CIROZ: variants seen among roughly 807,000 people sequenced by gnomAD.
CIROZ encodes ciliated left-right organizer ZP-N domains-containing protein.
the CIROZ span, chr1:10,976,264 AGAG>A: frequency 1.8e-5 from 28 of 1,529,290 alleles, no homozygotes; most frequent in Non-Finnish European, 2.5e-5. Context: ...GCCCTGCGGG[AGAG>A]GAGGGAAGGG....
At chr1:10,975,162 C>T in the CIROZ span, among the ~76,000 whole-genome samples, 1 of 152,102 alleles carries the variant, frequency 6.6e-6, no homozygotes, top group South Asian at 2.1e-4. Flanking sequence ...AATCCCAGCA[C>T]TCTGGTAGGC....
At chr1:10,957,441 C>T in the CIROZ span, 6 of 889,196 alleles carry the variant, frequency 6.7e-6, no homozygotes, top group Non-Finnish European at 9.9e-6. Context: ...CCCTCATCTG[C>T]AGAGCGGAGC....
At chr1:10,969,769 AGGAGTGCCG>A in the CIROZ span, among the ~76,000 whole-genome samples, 1,462 of 152,194 alleles carry the variant, frequency 9.6e-3, 23 homozygotes, top group African/African-American at 0.033. Context: ...CTTACTAGTG[AGGAGTGCCG>A]GGATTGTGAC....
At chr1:10,981,191 G>A in the CIROZ span, among the ~76,000 whole-genome samples, 15 of 152,304 alleles carry the variant, frequency 9.8e-5, no homozygotes, top group East Asian at 3.9e-4. Context: ...AGTCATGCCC[G>A]TAATCCCAAT....
chr1:10,948,347 C>T, the CIROZ span: 1 of 1,613,572 alleles, frequency 6.2e-7, no homozygotes, highest in South Asian at 1.1e-5. Flanking sequence ...CCAGTGTGGC[C>T]CGCCAGGGCC....
the CIROZ span, among the ~76,000 whole-genome samples, chr1:10,965,813 C>G: frequency 6.7e-6 from 1 of 150,156 alleles, no homozygotes; most frequent in Non-Finnish European, 1.5e-5. Flanking sequence ...CCAGAGCGAG[C>G]CTCCGTCAAA....
chr1:10,957,834 G>A, the CIROZ span: 1 of 1,472,666 alleles, frequency 6.8e-7, no homozygotes. Context: ...GACACTTGAA[G>A]GGTCACCTAG....
the CIROZ span, chr1:10,969,970 C>T: frequency 1.3e-6 from 2 of 1,532,216 alleles, no homozygotes; most frequent in Non-Finnish European, 1.7e-6. Flanking sequence ...CACCTCTTAC[C>T]TGGCAAGTGC....
the CIROZ span, among the ~76,000 whole-genome samples, chr1:10,961,411 A>G: frequency 6.6e-6 from 1 of 152,064 alleles, no homozygotes; most frequent in African/African-American, 2.4e-5. Context: ...CCTTCAGGTT[A>G]AGAAGCAAAG....
At chr1:10,964,139 T>C in the CIROZ span, 1 of 1,613,700 alleles carries the variant, frequency 6.2e-7, no homozygotes, top group Non-Finnish European at 8.5e-7. Flanking sequence ...TGGATGAACA[T>C]GGGCCCACAG....
At chr1:10,974,837 T>C in the CIROZ span, among the ~76,000 whole-genome samples, 2 of 152,200 alleles carry the variant, frequency 1.3e-5, no homozygotes, top group African/African-American at 4.8e-5. The surrounding 1 kb of genome is among the most constrained non-coding windows in gnomAD (Gnocchi z 4.4). Flanking sequence ...CTGAGCTCTA[T>C]GGGTCCTTCT....
chr1:10,975,985 C>A, the CIROZ span, among the ~76,000 whole-genome samples: 1 of 152,138 alleles, frequency 6.6e-6, no homozygotes, highest in Non-Finnish European at 1.5e-5. Context: ...TGCAGGAATG[C>A]CGCTTCCTTG....
chr1:10,979,109 A>G, the CIROZ span, among the ~76,000 whole-genome samples: 1 of 152,100 alleles, frequency 6.6e-6, no homozygotes, highest in Non-Finnish European at 1.5e-5. Flanking sequence ...CTCGTGCCTC[A>G]GCCTCCTGAG....
the CIROZ span, among the ~76,000 whole-genome samples, chr1:10,975,719 T>G: frequency 6.6e-6 from 1 of 152,122 alleles, no homozygotes; most frequent in Admixed American, 6.5e-5. Flanking sequence ...GGTGGCTAAG[T>G]GCAGGGGCTC....
the CIROZ span, chr1:10,966,527 T>C: frequency 4.1e-6 from 6 of 1,480,834 alleles, no homozygotes; most frequent in African/African-American, 4.2e-5. Flanking sequence ...CCTGTGGAGG[T>C]GGCTTCTCTG....
the CIROZ span, chr1:10,976,206 G>A: frequency 8.1e-5 from 124 of 1,536,720 alleles, no homozygotes; most frequent in African/African-American, 1.4e-3. Context: ...TGACCTGAAG[G>A]AGAGGCTCCA....
the CIROZ span, among the ~76,000 whole-genome samples, chr1:10,951,745 A>ATATAT: frequency 1.4e-3 from 166 of 119,172 alleles, 1 homozygote; most frequent in African/African-American, 4.7e-3. Context: ...AAAAAAAAAA[A>ATATAT]ATATATATAT....
the CIROZ span, among the ~76,000 whole-genome samples, chr1:10,961,969 C>T: frequency 1.3e-5 from 2 of 152,048 alleles, no homozygotes; most frequent in Non-Finnish European, 2.9e-5. Flanking sequence ...TGAACAAATG[C>T]TTGTTGGATA....
chr1:10,951,729 T>TA, the CIROZ span, among the ~76,000 whole-genome samples: 1 of 110,174 alleles, frequency 9.1e-6, no homozygotes. Context: ...TGTCTCTTAT[T>TA]TAAAAAAAAA....
Sources: gnomAD v4.1 joint callset for allele counts (sites outside exome capture counted in the v4.1 genomes callset) on GRCh38, gnomAD v4.1.1 for gene constraint, Gnocchi (gnomAD v3.1) non-coding constraint, MANE v1.5 for transcripts, NCBI Gene and HGNC (gene_info 2026-07-23, HGNC 2026-07-21) for gene names.